CDKL5: variants seen among roughly 807,000 people sequenced by gnomAD.
CDKL5 encodes cyclin-dependent kinase-like 5.
A neutral mutation model predicts 61.7 loss-of-function variants in CDKL5; 8 were observed. The observed-to-expected ratio is 0.13, with a 90% CI of 0.08 to 0.23. CDKL5 has a LOEUF of 0.23. Ranked by LOEUF, CDKL5 falls within the 10% of genes least tolerant of loss-of-function variation. The probability of loss-of-function intolerance (pLI) is 1.00; values close to 1 mark genes in which losing one functional copy is unlikely to be tolerated. For synonymous variants in CDKL5, 275 were observed against 272.3 expected (o/e 1.01, Z -0.10); for missense variants, 440 against 734.5 (o/e 0.60, Z 4.63).
rs1932288412 is a variant in CDKL5, at chrX:18,461,562, C to A, written c.-163+35867C>A. 2.7e-5 allele frequency among the ~76,000 whole-genome samples: 3 copies of A among 112,063 alleles called. No individual in the cohort carries two copies. In the South Asian group the frequency reaches 1.1e-3, roughly 41 times the overall value. ...CGGTCTTTGAAGAAACTTGTTCATG[C>A]CTTTGTAAATGGATTGTGTTGAGTA... is the stretch of plus-strand genomic sequence containing the variant. On this transcript the variant is annotated intron_variant, in intron 1 of 17. Coordinates refer to ENST00000623535, the MANE Select transcript of CDKL5 (RefSeq NM_001323289.2).
intron 5 of CDKL5, among the ~76,000 whole-genome samples, chrX:18,578,051 A>G (rs1039719300): frequency 8.9e-6 from 1 of 112,184 alleles, no homozygotes; most frequent in Non-Finnish European, 1.9e-5. Context: ...TTTTTTACAT[A>G]CATCATACTC....
At chrX:18,530,630 A>G (rs776449642) in intron 3 of CDKL5, among the ~76,000 whole-genome samples, 1 of 111,524 alleles carries the variant, frequency 9.0e-6, no homozygotes, top group African/African-American at 3.3e-5. Flanking sequence ...TAAATTCCCT[A>G]TCTGATAATC....
At chrX:18,611,836 A>G in intron 14 of CDKL5, among the ~76,000 whole-genome samples, 1 of 112,219 alleles carries the variant, frequency 8.9e-6, no homozygotes, top group Non-Finnish European at 1.9e-5. Context: ...ATCTGAAGAC[A>G]TCTGTCATTT....
At chrX:18,427,042 A>G (rs1430685412) in intron 1 of CDKL5, 1 of 112,130 alleles carries the variant, frequency 8.9e-6, no homozygotes, top group Non-Finnish European at 1.9e-5. Flanking sequence ...AGGTGATAGT[A>G]TGATCTTATG....
rs774511601 is a variant in CDKL5 at position 18,633,106 on chromosome X, C to G, written c.*4349C>G. On this transcript the variant is annotated 3_prime_UTR_variant, in exon 18 of 18. Transcript: ENST00000623535. ...GTAAATCTGCACGTTCTCTGCTGGT[C>G]AGAACATGTTTCCTGGAGAGCATTG... The G allele has an allele frequency of 9.0e-5, 68 of 752,396 alleles. No individual in the cohort carries two copies. The highest frequency in any genetic ancestry group is 1.0e-4 in the Non-Finnish European group (64 of 639,143). The allele number at this position is 752,396 out of a possible 1,213,427, so 62.0% of individuals were successfully genotyped here.
rs956579943 is a variant in CDKL5 at position 18,635,582 on chromosome X, C to T, written c.*6825C>T. 59 of 750,170 alleles carry T rather than the reference C, an allele frequency of 7.9e-5. No individual in the cohort carries two copies. Among genetic ancestry groups the T allele is most frequent in the Non-Finnish European group, 9.1e-5 (58 of 636,541 alleles). 61.8% of individuals were successfully genotyped at this position (750,170 alleles called of 1,213,427 possible). On this transcript the variant is annotated 3_prime_UTR_variant, in exon 18 of 18. Coordinates refer to ENST00000623535, the MANE Select transcript of CDKL5 (RefSeq NM_001323289.2). ...ATGTAAAACTAGGCAAATCCTGTAA[C>T]TTAATGATGTTGATCTTTGTTTTCC...
At chrX:18,442,634 C>A (rs1602192485) in intron 1 of CDKL5, among the ~76,000 whole-genome samples, 1 of 111,129 alleles carries the variant, frequency 9.0e-6, no homozygotes, top group East Asian at 2.8e-4. Flanking sequence ...GCTGGGACTA[C>A]AGGTGCCCGC....
Position 18,634,243 on chromosome X carries a change from A to T in CDKL5, c.*5486A>T. 2 of 753,352 alleles carry T rather than the reference A, an allele frequency of 2.7e-6. No homozygotes were observed. The highest frequency in any genetic ancestry group is 3.1e-6 in the Non-Finnish European group (2 of 638,653). The allele number at this position is 753,352 out of a possible 1,213,427, so 62.1% of individuals were successfully genotyped here. ...TCCTCCATCCCCCCTGTTTTGACAG[A>T]CTGCTAAGAATTCCTCAGGACTTCC... On this transcript the variant is annotated 3_prime_UTR_variant, in exon 18 of 18. Coordinates refer to ENST00000623535, the MANE Select transcript of CDKL5 (RefSeq NM_001323289.2).
rs145328561 is a variant in CDKL5, at chrX:18,521,580, G to A, written c.99+10726G>A. Among the ~76,000 whole-genome samples, 438 of 111,809 alleles carry A rather than the reference G, an allele frequency of 3.9e-3. 2 individuals are homozygous for A. Among genetic ancestry groups the A allele is most frequent in the African/African-American group, 0.013 (408 of 30,817 alleles). ...GAAATTTTATTTTTATATATTTAAGGCGTACAAGTACAGTTTTGTTACATG... is the reference window on the plus strand; with the variant it reads ...GAAATTTTATTTTTATATATTTAAGACGTACAAGTACAGTTTTGTTACATG... On this transcript the variant is annotated intron_variant, in intron 3 of 17. Transcript: ENST00000623535.
At chrX:18,497,999 A>AT (rs1441927612) in intron 1 of CDKL5, among the ~76,000 whole-genome samples, 1 of 108,751 alleles carries the variant, frequency 9.2e-6, no homozygotes, top group East Asian at 2.9e-4. Flanking sequence ...AAAAAAAAAA[A>AT]AAAAAGTTGT....
At position 18,629,112 on chromosome X, in the gene CDKL5, C is replaced by A; in HGVS notation, c.*355C>A. The A allele has an allele frequency of 1.2e-6, 1 of 803,426 alleles. No homozygotes were observed. The highest frequency in any genetic ancestry group is 5.7e-5 in the South Asian group (1 of 17,483). The allele number at this position is 803,426 out of a possible 1,213,427, so 66.2% of individuals were successfully genotyped here. On this transcript the variant is annotated 3_prime_UTR_variant, in exon 18 of 18. Transcript: ENST00000623535. ...TTGGGAATGCCAGGATGTGTCCTGG[C>A]ACTGCAAGGGATAGGAAAGTCGTGT...
chrX:18,648,062 C>T (rs1216066807), intron 20 of CDKL5, among the ~76,000 whole-genome samples: 1 of 110,804 alleles, frequency 9.0e-6, no homozygotes, highest in Non-Finnish European at 1.9e-5. Context: ...TGAGGCTGGG[C>T]ACGGTGACTC....
intron 1 of CDKL5, among the ~76,000 whole-genome samples, chrX:18,499,454 G>T (rs972506683): frequency 9.7e-6 from 1 of 103,277 alleles, no homozygotes; most frequent in Non-Finnish European, 2.0e-5. Flanking sequence ...TCCGCCTCCC[G>T]GGTTCATGCC....
chrX:18,434,555 A>G (rs1392787611), intron 1 of CDKL5, among the ~76,000 whole-genome samples: 2 of 112,268 alleles, frequency 1.8e-5, no homozygotes, highest in African/African-American at 6.5e-5. Context: ...CAAAACATAT[A>G]TAAATAATAT....
At chrX:18,644,548 C>G (rs61752152), downstream of CDKL5, 5 of 1,211,444 alleles carry the variant, frequency 4.1e-6, no homozygotes, top group South Asian at 8.8e-5. Context: ...GGTGAGGATC[C>G]CTGAAATCAC....
chrX:18,645,632 TC>T (rs1927740967), intron 19 of CDKL5, among the ~76,000 whole-genome samples: 1 of 110,868 alleles, frequency 9.0e-6, no homozygotes, highest in African/African-American at 3.3e-5. Flanking sequence ...CTAGCCCGTG[TC>T]CCCCTCTTTC....
At chrX:18,603,767 C>T in intron 11 of CDKL5, 135 bp from the exon 12 acceptor site, 1 of 757,959 alleles carries the variant, frequency 1.3e-6, no homozygotes, top group Non-Finnish European at 2.0e-6. Flanking sequence ...ACTTGTTATT[C>T]GAAGGCACAT....
chrX:18,549,475 G>T (rs1602254734), intron 3 of CDKL5, among the ~76,000 whole-genome samples: 2 of 112,094 alleles, frequency 1.8e-5, no homozygotes, highest in Non-Finnish European at 3.8e-5. Context: ...CAATATTCTT[G>T]AATCTTTATT....
At chrX:18,550,994 C>T (rs1924366124) in intron 3 of CDKL5, among the ~76,000 whole-genome samples, 1 of 111,668 alleles carries the variant, frequency 9.0e-6, no homozygotes, top group South Asian at 3.7e-4. Flanking sequence ...AAATGAGATG[C>T]ATCTCAAATT....
Sources: gnomAD v4.1 joint callset for allele counts (sites outside exome capture counted in the v4.1 genomes callset) on GRCh38, gnomAD v4.1.1 for gene constraint, MANE v1.5 for transcripts, NCBI Gene and HGNC (gene_info 2026-07-23, HGNC 2026-07-21) for gene names.